RTN4: variants seen among roughly 807,000 people sequenced by gnomAD.
RTN4 encodes the protein reticulon-4.
A neutral mutation model predicts 90.4 loss-of-function variants in RTN4; 32 were observed. That is an observed-to-expected ratio of 0.35 (90% CI 0.27 to 0.48). RTN4 has a LOEUF of 0.48. Among genes scored for constraint, RTN4 ranks in the 20% least tolerant of loss-of-function variants. The pLI, the probability that RTN4 is intolerant of heterozygous loss-of-function variation, is 0.99. For missense variants in RTN4, 1,706 were observed against 1,430.2 expected (o/e 1.19, Z -3.11); for synonymous variants, 629 against 552.5 (o/e 1.14, Z -1.94).
intron 1 of RTN4, among the ~76,000 whole-genome samples, chr2:55,033,769 T>G (rs1682492902): frequency 6.6e-6 from 1 of 152,218 alleles, no homozygotes. Flanking sequence ...TAACAGTTGT[T>G]TTATATTTTG....
chr2:55,067,302 T>C (rs1668410918), intron 2 of RTN4, among the ~76,000 whole-genome samples: 1 of 152,180 alleles, frequency 6.6e-6, no homozygotes, highest in Non-Finnish European at 1.5e-5. Context: ...TAAAAACACT[T>C]TGGAAAGTAC....
intron 2 of RTN4, among the ~76,000 whole-genome samples, chr2:55,061,169 A>G (rs940139856): frequency 1.3e-5 from 2 of 150,504 alleles, no homozygotes; most frequent in Non-Finnish European, 2.9e-5. Context: ...GGGTTCCAGC[A>G]ATTTTCCTGC....
Position 55,010,142 on chromosome 2 carries a change from C to T in RTN4, c.3013+14944G>A, listed in dbSNP as rs200176883. On this transcript the variant is annotated intron_variant, in intron 3 of 8. Transcript: ENST00000337526. ...CCATCTCTTGTCACGATCTGCTTTG[C>T]AGCTCCAATTATTAATTATGCATAC... The T allele has an allele frequency of 1.7e-5, 28 of 1,613,016 alleles. No homozygotes were observed. The African/African-American group carries it at 3.5e-4, about 20-fold the overall frequency.
At chr2:55,094,460 T>C (rs1471978131) in intron 1 of RTN4, among the ~76,000 whole-genome samples, 2 of 152,238 alleles carry the variant, frequency 1.3e-5, no homozygotes, top group African/African-American at 4.8e-5. Context: ...CTGGGTACTG[T>C]TGCGCAGTGA....
At position 55,027,180 on chromosome 2, in the gene RTN4, A is replaced by G. The variant is rs1367100403; in HGVS notation, c.919T>C (p.Ser307Pro). 6.2e-7 allele frequency: 1 copy of G among 1,613,526 alleles called. No individual in the cohort carries two copies. Among genetic ancestry groups the G allele is most frequent in the African/African-American group, 1.3e-5 (1 of 74,860 alleles). Residue 307 changes from serine (S) to proline (P), a missense_variant, in exon 3 of 9, where the codon TCT (serine) becomes CCT (proline). Ser to Pro is a moderately conservative substitution (Grantham distance 74). Transcript: ENST00000337526. The stretch of plus-strand genomic sequence containing the variant: ...ATTACGGCAGATTCTGCTTTTGGAG[A>G]GACACTGAACGATGATCCCATTTCT... Reference protein sequence around the residue: ...YSEMGSSFSVSPKAESAVIVA... With the variant: ...YSEMGSSFSVPPKAESAVIVA...
chr2:55,106,907 A>G (rs567718703), intron 1 of RTN4, among the ~76,000 whole-genome samples: 1 of 152,334 alleles, frequency 6.6e-6, no homozygotes, highest in South Asian at 2.1e-4. Flanking sequence ...AAGACAGTAC[A>G]CAAACACTAG....
chr2:54,995,202 T>C (rs560892420), intron 3 of RTN4, among the ~76,000 whole-genome samples: 77 of 149,374 alleles, frequency 5.2e-4, no homozygotes, highest in African/African-American at 1.6e-3. Flanking sequence ...ATCACATCAC[T>C]ACACTACAGC....
chr2:55,135,878 T>C, the RTN4 span, among the ~76,000 whole-genome samples: 1 of 152,234 alleles, frequency 6.6e-6, no homozygotes, highest in African/African-American at 2.4e-5. Context: ...TTCATGTTGT[T>C]GCATGTATCA....
intron 1 of RTN4, among the ~76,000 whole-genome samples, chr2:55,107,279 G>A (rs1237806947): frequency 1.3e-5 from 2 of 151,020 alleles, no homozygotes; most frequent in Non-Finnish European, 2.9e-5. Flanking sequence ...GGCATAATCA[G>A]TGACTTGTAC....
chr2:54,979,848 C>A (rs1050277789), intron 5 of RTN4, among the ~76,000 whole-genome samples: 3 of 152,152 alleles, frequency 2.0e-5, no homozygotes, highest in African/African-American at 4.8e-5. Context: ...AAATGAATTG[C>A]CAGCTGGGGA....
At chr2:55,133,075 C>A in the RTN4 span, among the ~76,000 whole-genome samples, 1 of 151,784 alleles carries the variant, frequency 6.6e-6, no homozygotes, top group Admixed American at 6.6e-5. Context: ...GCCAGGTGTG[C>A]TGGTGGGTGC....
At chr2:55,038,179 C>T (rs1205484640) in intron 1 of RTN4, among the ~76,000 whole-genome samples, 16 of 152,092 alleles carry the variant, frequency 1.1e-4, no homozygotes, top group South Asian at 2.1e-4. Flanking sequence ...AACTATCAAG[C>T]TTCTAGAAGA....
chr2:54,973,405 G>A (rs1677303800), intron 8 of RTN4, 158 bp downstream of exon 8: 6 of 762,816 alleles, frequency 7.9e-6, no homozygotes, highest in Admixed American at 2.6e-5. Context: ...AGAAACGAAT[G>A]GTCCAAATGT....
intron 3 of RTN4, among the ~76,000 whole-genome samples, chr2:55,021,111 T>C (rs186319233): frequency 6.6e-6 from 1 of 152,214 alleles, no homozygotes; most frequent in African/African-American, 2.4e-5. Flanking sequence ...AGAATTTTTT[T>C]AAAAACACAC....
In RTN4 at chr2:54,974,640, TC is replaced by T. The variant is rs1258971932; in HGVS notation, c.3430+54del. 4.5e-6 allele frequency: 6 copies of T among 1,341,584 alleles called. No homozygotes were observed. The African/African-American group carries it at 8.7e-5, about 19-fold the overall frequency. The allele number at this position is 1,341,584 out of a possible 1,614,324, so 83.1% of individuals were successfully genotyped here. A position where few individuals can be genotyped will look rare whatever the true frequency, so the allele number is the denominator to read the frequency against. On this transcript the variant is annotated intron_variant, in intron 6 of 8. Coordinates refer to ENST00000337526, the MANE Select transcript of RTN4 (RefSeq NM_020532.5). ...ATATTCTCCACTAAAATGTCTAAGCTCCTGGCACACAATCTTTCCAGCAATT... is the reference window on the plus strand; with the variant it reads ...ATATTCTCCACTAAAATGTCTAAGCTCTGGCACACAATCTTTCCAGCAATT...
intron 3 of RTN4, among the ~76,000 whole-genome samples, chr2:55,009,039 A>AT (rs34738399): frequency 0.16 from 24,747 of 152,166 alleles, 2,377 homozygotes; most frequent in South Asian, 0.35. Context: ...CAATGTCTCA[A>AT]TATGGTCTCA....
intron 1 of RTN4, among the ~76,000 whole-genome samples, chr2:55,088,840 G>A (rs951627333): frequency 2.0e-5 from 3 of 152,186 alleles, no homozygotes; most frequent in Non-Finnish European, 4.4e-5. Flanking sequence ...TAATTAGGAA[G>A]GGCTCCTCAT....
At chr2:55,125,790 G>A in the RTN4 span, among the ~76,000 whole-genome samples, 4 of 152,174 alleles carry the variant, frequency 2.6e-5, no homozygotes, top group East Asian at 1.9e-4. Context: ...AGCCAGGCAC[G>A]GTGGTTCATG....
chr2:55,050,003 C>A lies in RTN4; in HGVS notation c.298G>T (p.Val100Phe). ...CAAGACGGCTGCCGCTCCGGGGCGACGGGGGGAGCGGCCGGCAGGGGTCCC... is the reference window on the plus strand; with the variant it reads ...CAAGACGGCTGCCGCTCCGGGGCGAAGGGGGGAGCGGCCGGCAGGGGTCCC... ...PRGPLPAAPP[V>F]APERQPSWDP... is the part of the protein sequence containing the mutation. Residue 100 changes from valine to phenylalanine, a missense_variant, in exon 1 of 9, where the codon GTC becomes TTC. By Grantham distance (50) the Val-to-Phe change is conservative. Transcript: ENST00000337526. This position sits in a 1 kb window ranked among gnomAD's most constrained non-coding sequence, Gnocchi z 4.6. 7.3e-7 allele frequency: 1 copy of A among 1,376,726 alleles called. No individual in the cohort carries two copies. Among genetic ancestry groups the A allele is most frequent in the Middle Eastern group, 2.4e-4 (1 of 4,146 alleles). 85.3% of individuals were successfully genotyped at this position (1,376,726 alleles called of 1,614,324 possible). A position where few individuals can be genotyped will look rare whatever the true frequency, so the allele number is the denominator to read the frequency against.
Sources: gnomAD v4.1 joint callset for allele counts (sites outside exome capture counted in the v4.1 genomes callset) on GRCh38, gnomAD v4.1.1 for gene constraint, Gnocchi (gnomAD v3.1) non-coding constraint, MANE v1.5 for transcripts, NCBI Gene and HGNC (gene_info 2026-07-23, HGNC 2026-07-21) for gene names.